Variants in REDIC1 observed in about 807,000 individuals in gnomAD.
REDIC1 encodes HEI10 Interacting Protein 1.
At chr12:39,803,589 G>T in the REDIC1 span, among the ~76,000 whole-genome samples, 1 of 151,872 alleles carries the variant, frequency 6.6e-6, no homozygotes, top group Non-Finnish European at 1.5e-5. Flanking sequence ...TATATATATA[G>T]AGTCAGAAAA....
the REDIC1 span, among the ~76,000 whole-genome samples, chr12:39,803,279 C>T: frequency 3.1e-3 from 464 of 150,038 alleles, 1 homozygote; most frequent in African/African-American, 0.011. Flanking sequence ...CAGATAAAAC[C>T]GTGATGAAAA....
the REDIC1 span, chr12:39,746,094 C>T: frequency 3.9e-5 from 6 of 152,154 alleles, no homozygotes; most frequent in Non-Finnish European, 8.8e-5. Flanking sequence ...GGGGGCAGGA[C>T]AGTGGGTGCA....
chr12:39,764,199 G>T, the REDIC1 span, among the ~76,000 whole-genome samples: 19 of 151,982 alleles, frequency 1.3e-4, no homozygotes, highest in African/African-American at 4.3e-4. Context: ...GAGATAGCTG[G>T]GAGATGTCTG....
At chr12:39,713,377 CATATGTATGT>C in the REDIC1 span, among the ~76,000 whole-genome samples, 1 of 135,192 alleles carries the variant, frequency 7.4e-6, no homozygotes, top group Non-Finnish European at 1.6e-5. Flanking sequence ...TACACATATA[CATATGTATGT>C]GTGTAGACAC....
At chr12:39,799,792 C>G in the REDIC1 span, among the ~76,000 whole-genome samples, 1 of 152,122 alleles carries the variant, frequency 6.6e-6, no homozygotes, top group African/African-American at 2.4e-5. Context: ...ATTCACATTA[C>G]TAAAGCCTGG....
the REDIC1 span, among the ~76,000 whole-genome samples, chr12:39,748,199 C>A: frequency 6.6e-6 from 1 of 151,126 alleles, no homozygotes; most frequent in African/African-American, 2.5e-5. Context: ...CAGAGACACA[C>A]ATAGGCTCAA....
At chr12:39,808,851 C>T in the REDIC1 span, among the ~76,000 whole-genome samples, 6 of 152,086 alleles carry the variant, frequency 3.9e-5, no homozygotes, top group African/African-American at 1.4e-4. Context: ...ATAATACTTC[C>T]GGTCTGTGGC....
chr12:39,892,274 C>T, the REDIC1 span, among the ~76,000 whole-genome samples: 1 of 152,316 alleles, frequency 6.6e-6, no homozygotes, highest in South Asian at 2.1e-4. Context: ...GCTGGCAAGG[C>T]CACCTTTCCT....
chr12:39,669,058 A>G, the REDIC1 span, among the ~76,000 whole-genome samples: 1 of 152,076 alleles, frequency 6.6e-6, no homozygotes, highest in Non-Finnish European at 1.5e-5. Context: ...CAACTCATCA[A>G]AGTCATTCTC....
At chr12:39,829,394 T>G in the REDIC1 span, 1 of 79,450 alleles carries the variant, frequency 1.3e-5, no homozygotes, top group Non-Finnish European at 2.6e-5. Flanking sequence ...TAGTAATTCT[T>G]TTTTTTTTTT....
the REDIC1 span, among the ~76,000 whole-genome samples, chr12:39,806,970 A>T: frequency 1.3e-5 from 2 of 152,200 alleles, no homozygotes; most frequent in African/African-American, 4.8e-5. Context: ...GTCCCCAAAG[A>T]TTACAGTCTG....
At chr12:39,794,582 G>A in the REDIC1 span, among the ~76,000 whole-genome samples, 1 of 152,114 alleles carries the variant, frequency 6.6e-6, no homozygotes, top group East Asian at 1.9e-4. Context: ...AGAAGGCAAA[G>A]GCAGGTTCAA....
the REDIC1 span, among the ~76,000 whole-genome samples, chr12:39,699,193 T>C: frequency 6.6e-6 from 1 of 152,156 alleles, no homozygotes; most frequent in Non-Finnish European, 1.5e-5. Context: ...AGGTATTGGG[T>C]TCATCTCACT....
the REDIC1 span, chr12:39,864,826 A>C: frequency 1.9e-5 from 30 of 1,614,106 alleles, no homozygotes; most frequent in Non-Finnish European, 2.3e-5. Context: ...ATGCGTGGGG[A>C]AACTTGGGCT....
the REDIC1 span, among the ~76,000 whole-genome samples, chr12:39,710,875 G>A: frequency 6.7e-6 from 1 of 148,184 alleles, no homozygotes; most frequent in Admixed American, 6.8e-5. Flanking sequence ...CTCAATAAGT[G>A]TTTTTTTTTC....
the REDIC1 span, among the ~76,000 whole-genome samples, chr12:39,633,141 CA>C: frequency 6.6e-6 from 1 of 151,842 alleles, no homozygotes; most frequent in African/African-American, 2.4e-5. Context: ...AGGTTTGTTA[CA>C]AATTCTTTTT....
the REDIC1 span, among the ~76,000 whole-genome samples, chr12:39,813,063 T>G: frequency 7.5e-6 from 1 of 133,194 alleles, no homozygotes; most frequent in Middle Eastern, 3.4e-3. Flanking sequence ...CACGCTGGTC[T>G]CAAACTCCTG....
the REDIC1 span, among the ~76,000 whole-genome samples, chr12:39,859,722 T>C: frequency 6.6e-6 from 1 of 152,076 alleles, no homozygotes; most frequent in Non-Finnish European, 1.5e-5. Flanking sequence ...AGCTGGGGTT[T>C]CACCATGTTG....
chr12:39,752,485 T>G, the REDIC1 span, among the ~76,000 whole-genome samples: 1 of 151,974 alleles, frequency 6.6e-6, no homozygotes, highest in Non-Finnish European at 1.5e-5. Flanking sequence ...TGCCAAAAAG[T>G]TTGAGGACCG....
Sources: allele counts gnomAD v4.1 joint callset (sites outside exome capture counted in the v4.1 genomes callset), GRCh38; gene constraint gnomAD v4.1.1; transcripts MANE v1.5; gene names NCBI Gene and HGNC (gene_info 2026-07-23, HGNC 2026-07-21).